The following NHS variants were observed in gnomAD, a reference collection of about 807,000 sequenced individuals.
NHS encodes the protein actin remodeling regulator NHS.
In NHS, 5 loss-of-function variants were observed where a neutral mutation model predicts 72.5. The observed-to-expected ratio is 0.07, with a 90% CI of 0.04 to 0.14. The LOEUF (loss-of-function observed/expected upper bound fraction) is 0.14, where lower values mean the gene tolerates loss of function less well. Among genes scored for constraint, NHS ranks in the 10% least tolerant of loss-of-function variants. The pLI is 1.00. For missense variants in NHS, 1,072 were observed against 1,355.7 expected, an observed-to-expected ratio of 0.79 and a Z score of 3.29; for synonymous variants, 464 against 547.7, an observed-to-expected ratio of 0.85 and a Z score of 2.13.
At chrX:17,527,210 C>T (rs186586017) in intron 1 of NHS, among the ~76,000 whole-genome samples, 8 of 112,713 alleles carry the variant, frequency 7.1e-5, no homozygotes, top group African/African-American at 1.3e-4. Context: ...GTTCTCAGGA[C>T]TTGTTCTTTG....
intron 2 of NHS, among the ~76,000 whole-genome samples, chrX:17,688,316 G>A (rs2066176120): frequency 9.0e-6 from 1 of 111,365 alleles, no homozygotes; most frequent in Non-Finnish European, 1.9e-5. Context: ...TTAGATATGG[G>A]CAAAAAATAA....
chrX:17,380,989 A>G (rs951825691), intron 1 of NHS, among the ~76,000 whole-genome samples: 2 of 110,697 alleles, frequency 1.8e-5, no homozygotes, highest in Non-Finnish European at 3.8e-5. Flanking sequence ...TCTGTAAAGT[A>G]TGGGGTGAGG....
chrX:17,599,069 A>G (rs888756344), intron 1 of NHS, among the ~76,000 whole-genome samples: 1 of 112,229 alleles, frequency 8.9e-6, no homozygotes, highest in East Asian at 2.8e-4. Flanking sequence ...GTATAGTTCA[A>G]ATTTCCTTCT....
At chrX:17,493,987 G>T (rs1168481887) in intron 1 of NHS, among the ~76,000 whole-genome samples, 4 of 110,530 alleles carry the variant, frequency 3.6e-5, no homozygotes, top group Non-Finnish European at 1.9e-5. Context: ...CATCTGAAAG[G>T]TGGGTGAATA....
Position 17,516,898 on chromosome X carries a change from T to C in NHS, c.565+140576T>C, listed in dbSNP as rs144250567. Among the ~76,000 whole-genome samples, 5 of 112,242 alleles carry C rather than the reference T, an allele frequency of 4.5e-5. No homozygotes were observed. The East Asian group carries it at 1.4e-3, about 32-fold the overall frequency. ...CCAGAACTCAAACAAAGCTCCCACA[T>C]TTGTGTCATAATGGCATCAAGTTTG... On this transcript the variant is annotated intron_variant, in intron 1 of 8. Transcript: ENST00000676302.
intron 1 of NHS, among the ~76,000 whole-genome samples, chrX:17,380,038 G>C (rs375055900): frequency 1.4e-3 from 154 of 111,845 alleles, no homozygotes; most frequent in South Asian, 5.3e-3. Context: ...AGCTAGTAAA[G>C]AAAAGGAGGC....
chrX:17,702,055 T>A (rs1318191734), intron 3 of NHS, among the ~76,000 whole-genome samples: 1 of 109,649 alleles, frequency 9.1e-6, no homozygotes, highest in African/African-American at 3.3e-5. Context: ...GGGAGTGGGG[T>A]AGAAAGAATG....
chrX:17,502,588 G>A lies in NHS; in HGVS notation c.565+126266G>A, dbSNP rs1214526541. Among the ~76,000 whole-genome samples the A allele has an allele frequency of 1.6e-4, 3 of 18,927 alleles. 1 individual carries two copies. The highest frequency in any genetic ancestry group is 1.2e-3 in the Admixed American group (3 of 2,602). The allele number at this position is 18,927 out of a possible 115,157, so 16.4% of individuals were successfully genotyped here. On this transcript the variant is annotated intron_variant, in intron 1 of 8. Coordinates refer to ENST00000676302, the MANE Select transcript of NHS (RefSeq NM_001291867.2). ...GCGGATCACGAGGTCAGGAGATCGA[G>A]ACCATCCTGGCTAACACGGTGAAAC...
chrX:17,587,034 G>T (rs2065579707), intron 1 of NHS: 1 of 111,929 alleles, frequency 8.9e-6, no homozygotes, highest in Non-Finnish European at 1.9e-5. Context: ...GTAAGTTGGG[G>T]TTTCTAGGAG....
At chrX:17,436,725 A>G (rs1165220492) in intron 1 of NHS, among the ~76,000 whole-genome samples, 1 of 109,219 alleles carries the variant, frequency 9.2e-6, no homozygotes, top group Non-Finnish European at 1.9e-5. Context: ...CAGATATGTG[A>G]GTGTAATATC....
intron 1 of NHS, among the ~76,000 whole-genome samples, chrX:17,416,871 G>A (rs1193564485): frequency 9.2e-6 from 1 of 108,800 alleles, no homozygotes; most frequent in Non-Finnish European, 1.9e-5. Context: ...GTTTTGAGTT[G>A]GAAGGCAGTT....
At chrX:17,449,667 G>T (rs770554433) in intron 1 of NHS, among the ~76,000 whole-genome samples, 218 of 112,167 alleles carry the variant, frequency 1.9e-3, no homozygotes, top group African/African-American at 6.3e-3. Flanking sequence ...TGTGAGGGAT[G>T]CCAGGGGAGA....
At position 17,566,283 on chromosome X, in the gene NHS, T is replaced by A. The variant is rs1601774975; in HGVS notation, c.566-121459T>A. Among the ~76,000 whole-genome samples, 5 of 111,674 alleles carry A rather than the reference T, an allele frequency of 4.5e-5. No individual in the cohort carries two copies. The South Asian group carries it at 1.9e-3, about 42-fold the overall frequency. ...CGGGCATGAGCCACCGTATACTGCC[T>A]GAGTTTCCATGTTAATCACTGAACA... On this transcript the variant is annotated intron_variant, in intron 1 of 8. Transcript: ENST00000676302.
intron 5 of NHS, among the ~76,000 whole-genome samples, chrX:17,724,020 A>AT (rs2066425782): frequency 9.0e-6 from 1 of 110,879 alleles, no homozygotes. Context: ...TGTGAGAGGG[A>AT]TTTTTTGGAT....
At chrX:17,693,520 T>C (rs1024659859) in intron 3 of NHS, among the ~76,000 whole-genome samples, 35 of 112,538 alleles carry the variant, frequency 3.1e-4, no homozygotes, top group African/African-American at 1.1e-3. Context: ...TTGTGCACTC[T>C]TACGGCTTTT....
intron 1 of NHS, among the ~76,000 whole-genome samples, chrX:17,546,244 G>A (rs1311467533): frequency 8.9e-6 from 1 of 111,889 alleles, no homozygotes. Flanking sequence ...AGGAGGAAAG[G>A]GAGGCACAAG....
intron 2 of NHS, among the ~76,000 whole-genome samples, chrX:17,692,081 A>G (rs1366437877): frequency 8.9e-6 from 1 of 111,832 alleles, no homozygotes; most frequent in Non-Finnish European, 1.9e-5. Context: ...AGTCACACTG[A>G]ACTCAGAAGT....
At chrX:17,706,246 T>C (rs1168888231) in intron 3 of NHS, among the ~76,000 whole-genome samples, 1 of 111,096 alleles carries the variant, frequency 9.0e-6, no homozygotes, top group African/African-American at 3.3e-5. Context: ...ATTTGACAAC[T>C]GAATGCAATG....
intron 1 of NHS, among the ~76,000 whole-genome samples, chrX:17,594,076 T>C (rs753585579): frequency 8.9e-6 from 1 of 112,358 alleles, no homozygotes; most frequent in Admixed American, 9.4e-5. Context: ...AATGAACATC[T>C]AGTTTTTATA....
Sources: allele counts gnomAD v4.1 joint callset (sites outside exome capture counted in the v4.1 genomes callset), GRCh38; gene constraint gnomAD v4.1.1; transcripts MANE v1.5; gene names NCBI Gene and HGNC (gene_info 2026-07-23, HGNC 2026-07-21).